The following FHIT variants were observed in gnomAD, a reference collection of about 807,000 sequenced individuals.
FHIT encodes the protein bis(5'-adenosyl)-triphosphatase.
Under a neutral mutation model 17.9 loss-of-function variants are expected in FHIT, and 19 were observed. That is an observed-to-expected ratio of 1.06 (90% CI 0.74 to 1.56). The LOEUF is 1.56. Among genes scored for constraint, FHIT ranks in the 40% most tolerant of loss-of-function variants. FHIT has a pLI of 0.00. For missense variants in FHIT, 248 were observed against 189.2 expected, an observed-to-expected ratio of 1.31 and a Z score of -1.82; for synonymous variants, 81 against 69.7, an observed-to-expected ratio of 1.16 and a Z score of -0.81.
At chr3:60,902,683 T>A (rs1553763484) in intron 3 of FHIT, among the ~76,000 whole-genome samples, 1 of 152,176 alleles carries the variant, frequency 6.6e-6, no homozygotes, top group Non-Finnish European at 1.5e-5. Flanking sequence ...AACTTGAGGA[T>A]AATAAAGCCA....
At chr3:60,291,144 A>G (rs979885538) in intron 5 of FHIT, among the ~76,000 whole-genome samples, 2 of 152,172 alleles carry the variant, frequency 1.3e-5, no homozygotes, top group African/African-American at 4.8e-5. Context: ...GAAGTTTAAT[A>G]GGCCAAAGAA....
chr3:60,089,505 A>G (rs922418439), intron 5 of FHIT, among the ~76,000 whole-genome samples: 1 of 152,158 alleles, frequency 6.6e-6, no homozygotes. Flanking sequence ...AAATGGACGG[A>G]AAGAGGCCAG....
At chr3:61,080,119 C>T (rs919633586) in intron 2 of FHIT, among the ~76,000 whole-genome samples, 4 of 152,050 alleles carry the variant, frequency 2.6e-5, no homozygotes, top group African/African-American at 9.7e-5. Flanking sequence ...ATCTAAATGG[C>T]TGATTTGGTA....
intron 5 of FHIT, among the ~76,000 whole-genome samples, chr3:60,021,794 A>C (rs1461006647): frequency 6.6e-6 from 1 of 152,214 alleles, no homozygotes; most frequent in Non-Finnish European, 1.5e-5. Context: ...ATGCCTCTCA[A>C]GGTTATAAAA....
intron 3 of FHIT, among the ~76,000 whole-genome samples, chr3:60,860,486 TGTATCATATATATCAG>T (rs1703680432): frequency 7.7e-6 from 1 of 130,080 alleles, no homozygotes; most frequent in African/African-American, 2.9e-5. Context: ...ATGATACATA[TGTATCATATATATCAG>T]GTATATATGA....
chr3:59,906,510 T>A (rs961184950), intron 8 of FHIT, among the ~76,000 whole-genome samples: 1 of 152,214 alleles, frequency 6.6e-6, no homozygotes, highest in Non-Finnish European at 1.5e-5. Flanking sequence ...CATTGAAACC[T>A]ATTTAGCAAA....
chr3:60,843,165 G>A (rs1702797860), intron 3 of FHIT, among the ~76,000 whole-genome samples: 1 of 152,104 alleles, frequency 6.6e-6, no homozygotes, highest in Admixed American at 6.5e-5. Context: ...GTGAAGGTGA[G>A]TTAGGACTGG....
intron 5 of FHIT, among the ~76,000 whole-genome samples, chr3:60,204,357 C>A (rs923739888): frequency 2.0e-5 from 3 of 152,106 alleles, no homozygotes; most frequent in African/African-American, 4.8e-5. Flanking sequence ...TCAGCCTCCA[C>A]CCCCTGGGCT....
chr3:59,872,814 CT>C (rs1702982169), intron 8 of FHIT, among the ~76,000 whole-genome samples: 1 of 152,174 alleles, frequency 6.6e-6, no homozygotes, highest in South Asian at 2.1e-4. Flanking sequence ...ACTAACCTGT[CT>C]TCCCTGGGCT....
At chr3:61,195,262 C>G (rs2038823383) in intron 2 of FHIT, among the ~76,000 whole-genome samples, 1 of 151,222 alleles carries the variant, frequency 6.6e-6, no homozygotes, top group Non-Finnish European at 1.5e-5. Context: ...TAATTTCTCC[C>G]AAAGCACTTC....
chr3:61,122,378 G>T (rs1268929767), intron 2 of FHIT, among the ~76,000 whole-genome samples: 1 of 152,134 alleles, frequency 6.6e-6, no homozygotes, highest in African/African-American at 2.4e-5. Flanking sequence ...AGACTTAAAT[G>T]TTAGACCTAA....
chr3:60,037,526 G>A (rs1338795413), intron 5 of FHIT, among the ~76,000 whole-genome samples: 1 of 151,468 alleles, frequency 6.6e-6, no homozygotes, highest in African/African-American at 2.4e-5. Context: ...GGGACTACAG[G>A]CACGCACCAC....
intron 5 of FHIT, among the ~76,000 whole-genome samples, chr3:60,101,317 C>G (rs1401011230): frequency 1.3e-5 from 2 of 152,212 alleles, no homozygotes; most frequent in Non-Finnish European, 2.9e-5. Context: ...GGGCCACTCT[C>G]CCTCACACCT....
intron 4 of FHIT, among the ~76,000 whole-genome samples, chr3:60,721,859 C>T (rs1336515628): frequency 1.3e-5 from 2 of 151,970 alleles, no homozygotes; most frequent in African/African-American, 4.8e-5. Context: ...CAATGATTAG[C>T]CATAACAATT....
chr3:60,393,340 A>C (rs1386129955), intron 5 of FHIT, among the ~76,000 whole-genome samples: 8 of 151,694 alleles, frequency 5.3e-5, no homozygotes, highest in African/African-American at 1.9e-4. Context: ...GTCCTCTTGT[A>C]CTATCCTCAA....
intron 4 of FHIT, among the ~76,000 whole-genome samples, chr3:60,722,717 T>C (rs1303066162): frequency 1.3e-5 from 2 of 149,098 alleles, no homozygotes; most frequent in African/African-American, 5.0e-5. Context: ...CTTTTTTTTT[T>C]TTTTTTTTTT....
At chr3:60,926,929 C>T (rs1707651678) in intron 3 of FHIT, among the ~76,000 whole-genome samples, 1 of 152,148 alleles carries the variant, frequency 6.6e-6, no homozygotes, top group East Asian at 1.9e-4. Context: ...AAAAACACCT[C>T]TATGCAAATA....
At chr3:61,173,816 A>G (rs2038081342) in intron 2 of FHIT, among the ~76,000 whole-genome samples, 1 of 152,210 alleles carries the variant, frequency 6.6e-6, no homozygotes, top group Non-Finnish European at 1.5e-5. Context: ...CTGAATATCA[A>G]ATCTTCACTA....
intron 3 of FHIT, among the ~76,000 whole-genome samples, chr3:60,923,601 AACAGCTCCAGTCT>A (rs1707405444): frequency 1.3e-5 from 2 of 152,160 alleles, no homozygotes; most frequent in African/African-American, 2.4e-5. Flanking sequence ...GCCGAATAGG[AACAGCTCCAGTCT>A]ACAGCTCCCA....
Sources: allele counts gnomAD v4.1 joint callset (sites outside exome capture counted in the v4.1 genomes callset), GRCh38; gene constraint gnomAD v4.1.1; transcripts MANE v1.5; gene names NCBI Gene and HGNC (gene_info 2026-07-23, HGNC 2026-07-21).